The following PLXDC2 variants were observed in gnomAD, a reference collection of about 807,000 sequenced individuals.
PLXDC2 encodes plexin domain-containing protein 2.
A neutral mutation model predicts 68.9 loss-of-function variants in PLXDC2; 40 were observed. The observed-to-expected ratio is 0.58, with a 90% CI of 0.45 to 0.76. PLXDC2 has a LOEUF of 0.76. PLXDC2 is among the 30% of genes least tolerant of loss of function. PLXDC2 has a pLI of 0.00. For missense variants in PLXDC2, 644 were observed against 661.9 expected (o/e 0.97, Z 0.30); for synonymous variants, 243 against 234.2 (o/e 1.04, Z -0.34).
chr10:20,177,071 C>T lies in PLXDC2; in HGVS notation c.956C>T (p.Ala319Val). ...LQMSKITNISAVEMTPLPTCL... is the reference protein window; with the variant it reads ...LQMSKITNISVVEMTPLPTCL... ...ATGTCAAAAATTACCAACATTTCGG[C>T]TGTGGAGATGACCCCATTACCCAGT... The change falls in exon 8 of 14, where the codon GCT (alanine) becomes GTT (valine). Residue 319 changes from alanine to valine, a missense_variant. Coordinates refer to ENST00000377252, the MANE Select transcript of PLXDC2 (RefSeq NM_032812.9). 1 of 1,610,236 alleles carries T rather than the reference C, an allele frequency of 6.2e-7. No homozygotes were observed.
intron 2 of PLXDC2, among the ~76,000 whole-genome samples, chr10:20,044,917 G>A (rs866089595): frequency 1.3e-5 from 2 of 152,240 alleles, no homozygotes; most frequent in East Asian, 1.9e-4. Flanking sequence ...ACACAGATGA[G>A]TAGTATACAT....
intron 1 of PLXDC2, among the ~76,000 whole-genome samples, chr10:19,882,295 T>C (rs753474764): frequency 1.2e-4 from 19 of 152,238 alleles, no homozygotes; most frequent in Non-Finnish European, 2.6e-4. Context: ...TATTATCCAT[T>C]ATTCTAGAGC....
At chr10:20,169,626 T>C (rs1834420208) in intron 7 of PLXDC2, among the ~76,000 whole-genome samples, 1 of 152,202 alleles carries the variant, frequency 6.6e-6, no homozygotes, top group African/African-American at 2.4e-5. Context: ...GGTGCTGACT[T>C]ATCCCATCGG....
At chr10:19,882,325 T>C (rs899435126) in intron 1 of PLXDC2, among the ~76,000 whole-genome samples, 2 of 152,192 alleles carry the variant, frequency 1.3e-5, no homozygotes, top group Non-Finnish European at 2.9e-5. Flanking sequence ...AACCTGAGTA[T>C]GCCAATAAAG....
intron 1 of PLXDC2, among the ~76,000 whole-genome samples, chr10:19,844,423 G>C (rs2131320581): frequency 6.6e-6 from 1 of 152,152 alleles, no homozygotes; most frequent in East Asian, 1.9e-4. Flanking sequence ...GAAATGTAGT[G>C]ACTTAGTCAA....
chr10:19,868,045 G>A (rs563649850), intron 1 of PLXDC2, among the ~76,000 whole-genome samples: 2 of 152,030 alleles, frequency 1.3e-5, no homozygotes, highest in Non-Finnish European at 2.9e-5. Flanking sequence ...TGTAGAACCC[G>A]TTTCAATGTG....
At chr10:19,951,613 A>G (rs1174506597) in intron 1 of PLXDC2, among the ~76,000 whole-genome samples, 1 of 152,232 alleles carries the variant, frequency 6.6e-6, no homozygotes, top group East Asian at 1.9e-4. Context: ...AACTTAAAAC[A>G]GAACTATCAT....
In PLXDC2 at chr10:20,068,188, G is replaced by A. The variant is rs368244668; in HGVS notation, c.490G>A (p.Asp164Asn). 7.4e-6 allele frequency: 12 copies of A among 1,612,868 alleles called. No individual in the cohort carries two copies. Among genetic ancestry groups the A allele is most frequent in the East Asian group, 6.7e-5 (3 of 44,802 alleles). The change falls in exon 4 of 14, where the codon GAT (aspartate) becomes AAT (asparagine). Residue 164 changes from aspartate (D) to asparagine (N), a missense_variant. Coordinates refer to ENST00000377252, the MANE Select transcript of PLXDC2 (RefSeq NM_032812.9). ...TTTGCAGAGAGTGAATCTGTCCTTC[G>A]ATTTTCCATTTTATGGCCACTTCCT... Reference protein sequence around the residue: ...RQAARVNLSFDFPFYGHFLRE... With the variant: ...RQAARVNLSFNFPFYGHFLRE...
intron 1 of PLXDC2, among the ~76,000 whole-genome samples, chr10:19,924,305 T>G (rs1833505533): frequency 6.6e-6 from 1 of 152,182 alleles, no homozygotes; most frequent in Admixed American, 6.5e-5. Context: ...TCTAGGCTTC[T>G]TGGCAGAGAG....
At chr10:20,046,842 G>C (rs1301686909) in intron 2 of PLXDC2, 27 bp from the exon 3 acceptor site, 2 of 1,563,390 alleles carry the variant, frequency 1.3e-6, no homozygotes, top group South Asian at 2.4e-5. Flanking sequence ...CTCGGTTCTT[G>C]ATATACATTA....
At chr10:19,894,913 C>A (rs1185176302) in intron 1 of PLXDC2, among the ~76,000 whole-genome samples, 2 of 152,150 alleles carry the variant, frequency 1.3e-5, no homozygotes, top group African/African-American at 4.8e-5. Context: ...TTGACCCAGC[C>A]ATCCCATTAT....
At chr10:20,228,960 A>G (rs1230018152) in intron 12 of PLXDC2, among the ~76,000 whole-genome samples, 3 of 152,174 alleles carry the variant, frequency 2.0e-5, no homozygotes, top group African/African-American at 7.2e-5. Flanking sequence ...CCATTGTACA[A>G]TCTCCAGGCA....
At chr10:20,186,340 A>G (rs1054116295) in intron 9 of PLXDC2, among the ~76,000 whole-genome samples, 3 of 151,940 alleles carry the variant, frequency 2.0e-5, no homozygotes, top group African/African-American at 7.2e-5. Context: ...AATTGCTCAT[A>G]AGTCTGAAAT....
At chr10:20,246,406 G>A (rs368432621) in intron 13 of PLXDC2, among the ~76,000 whole-genome samples, 6 of 152,218 alleles carry the variant, frequency 3.9e-5, no homozygotes, top group African/African-American at 9.7e-5. Context: ...CTGCAATGCC[G>A]TGGTGCGATC....
chr10:19,820,917 A>C (rs1836455928), intron 1 of PLXDC2, among the ~76,000 whole-genome samples: 1 of 152,030 alleles, frequency 6.6e-6, no homozygotes, highest in African/African-American at 2.4e-5. Context: ...GCCTCTACTA[A>C]AAATACAAAA....
chr10:19,870,374 C>T (rs984079310), intron 1 of PLXDC2, among the ~76,000 whole-genome samples: 2 of 151,970 alleles, frequency 1.3e-5, no homozygotes, highest in African/African-American at 2.4e-5. Flanking sequence ...ATGCTTTTAT[C>T]GTTTCCAGGC....
At chr10:20,036,882 A>C (rs1466943000) in intron 2 of PLXDC2, among the ~76,000 whole-genome samples, 3 of 152,184 alleles carry the variant, frequency 2.0e-5, no homozygotes, top group Non-Finnish European at 4.4e-5. Context: ...ATTTATCAAC[A>C]AGGATGATTA....
At chr10:20,119,909 G>A (rs1195561761) in intron 4 of PLXDC2, among the ~76,000 whole-genome samples, 2 of 152,128 alleles carry the variant, frequency 1.3e-5, no homozygotes, top group African/African-American at 2.4e-5. Flanking sequence ...GAGAAAAACA[G>A]GTATTAAAGG....
intron 7 of PLXDC2, among the ~76,000 whole-genome samples, chr10:20,174,821 G>T (rs1426456492): frequency 6.6e-6 from 1 of 151,604 alleles, no homozygotes; most frequent in Non-Finnish European, 1.5e-5. Context: ...TAGAGGGAAG[G>T]AGAGATACTT....
Sources: allele counts gnomAD v4.1 joint callset (sites outside exome capture counted in the v4.1 genomes callset), GRCh38; gene constraint gnomAD v4.1.1; transcripts MANE v1.5; gene names NCBI Gene and HGNC (gene_info 2026-07-23, HGNC 2026-07-21).